IARS1: variants seen among roughly 807,000 people sequenced by gnomAD.
IARS1 encodes the protein isoleucyl-tRNA synthetase 1.
In IARS1, 124 loss-of-function variants were observed where a neutral mutation model predicts 168.2. The ratio of observed to expected loss-of-function variants is 0.74; its 90% CI spans 0.64 to 0.86. The LOEUF (loss-of-function observed/expected upper bound fraction) is 0.86. Among genes scored for constraint, IARS1 ranks in the 40% least tolerant of loss-of-function variants. The pLI is 0.00. For synonymous variants in IARS1, 532 were observed against 529.4 expected, an observed-to-expected ratio of 1.00 and a Z score of -0.07; for missense variants, 1,452 against 1,515.8, an observed-to-expected ratio of 0.96 and a Z score of 0.70.
At chr9:92,270,010 C>T in intron 12 of IARS1, 27 bp from the exon 13 acceptor site, 6 of 1,454,482 alleles carry the variant, frequency 4.1e-6, no homozygotes, top group Middle Eastern at 1.7e-4. Flanking sequence ...ACACACATAG[C>T]TGCTCAGGCT....
intron 20 of IARS1, among the ~76,000 whole-genome samples, chr9:92,255,881 C>T (rs1830644251): frequency 2.0e-5 from 3 of 152,010 alleles, no homozygotes; most frequent in Non-Finnish European, 2.9e-5. Flanking sequence ...AGGGTATAAC[C>T]GAGATGTTTG....
chr9:92,287,976 A>G (rs1564190257), intron 3 of IARS1, 66 bp from the exon 4 acceptor site: 4 of 1,587,878 alleles, frequency 2.5e-6, no homozygotes, highest in Non-Finnish European at 2.6e-6. Flanking sequence ...ATGCAACTCT[A>G]GAAAACAAAA....
intron 6 of IARS1, among the ~76,000 whole-genome samples, chr9:92,282,418 C>T (rs188704076): frequency 1.9e-4 from 29 of 151,992 alleles, no homozygotes; most frequent in African/African-American, 6.3e-4. Flanking sequence ...TCTCCTGCCT[C>T]GGTTTCCTGA....
intron 17 of IARS1, among the ~76,000 whole-genome samples, chr9:92,261,290 T>C (rs547996126): frequency 1.3e-5 from 2 of 151,762 alleles, no homozygotes; most frequent in East Asian, 1.9e-4. Context: ...GCCTGGGTGA[T>C]AGAGTGAGAC....
chr9:92,263,872 A>G (rs1831894202), intron 16 of IARS1, among the ~76,000 whole-genome samples: 1 of 152,224 alleles, frequency 6.6e-6, no homozygotes, highest in Non-Finnish European at 1.5e-5. Context: ...TAAAAACAGA[A>G]TTTGTGCTGG....
At chr9:92,271,953 A>C (rs566992798) in intron 10 of IARS1, among the ~76,000 whole-genome samples, 1 of 152,250 alleles carries the variant, frequency 6.6e-6, no homozygotes, top group African/African-American at 2.4e-5. Context: ...GAAAGGAATT[A>C]AGAAAGTAAA....
intron 14 of IARS1, among the ~76,000 whole-genome samples, chr9:92,267,506 A>G (rs1832448901): frequency 6.6e-6 from 1 of 152,196 alleles, no homozygotes; most frequent in Non-Finnish European, 1.5e-5. Context: ...AGTGGCGTGC[A>G]CCACCATGCC....
chr9:92,261,453 G>T lies in IARS1; in HGVS notation c.1788-1219C>A, dbSNP rs75490549. On this transcript the variant is annotated intron_variant, in intron 17 of 33. Transcript: ENST00000443024. ...TGGGGATGACAGTGGGAAGGCAGGA[G>T]GGGAAGGCAATGCAGGAAGGGAGCC... Among the ~76,000 whole-genome samples the T allele has an allele frequency of 8.5e-4, 129 of 152,298 alleles. 2 individuals are homozygous for T. The East Asian group carries it at 0.023, about 28-fold the overall frequency.
chr9:92,232,590 G>A (rs1826891413), intron 30 of IARS1, among the ~76,000 whole-genome samples: 1 of 152,166 alleles, frequency 6.6e-6, no homozygotes, highest in Non-Finnish European at 1.5e-5. Context: ...AGTTGTAGTA[G>A]GTTTGTGGAA....
Position 92,289,440 on chromosome 9 carries a change from C to A in IARS1, c.-7-14G>T, listed in dbSNP as rs1587908750. 1.9e-6 allele frequency: 2 copies of A among 1,063,518 alleles called. No homozygotes were observed. The highest frequency in any genetic ancestry group is 2.5e-5 in the South Asian group (2 of 78,802). The allele number at this position is 1,063,518 out of a possible 1,614,324, so 65.9% of individuals were successfully genotyped here. ...AGCATTTTGTTGCTGCAAAAGAAATCAAATTTATTACTGTCAAAAGAGAAA... is the reference window on the plus strand; with the variant it reads ...AGCATTTTGTTGCTGCAAAAGAAATAAAATTTATTACTGTCAAAAGAGAAA... On this transcript the variant is annotated splice_polypyrimidine_tract_variant and intron_variant, in intron 1 of 33. Transcript: ENST00000443024.
chr9:92,288,758 A>G (rs548084022), intron 2 of IARS1, among the ~76,000 whole-genome samples: 1 of 152,270 alleles, frequency 6.6e-6, no homozygotes, highest in South Asian at 2.1e-4. Context: ...AAAGAGGGTG[A>G]CACGGAGGAT....
Position 92,223,341 on chromosome 9 carries a change from C to A in IARS1, c.3553+5G>T. On this transcript the variant is annotated splice_donor_5th_base_variant and intron_variant, in intron 32 of 33. Transcript: ENST00000443024. ...ACAGTCTGCCTGCTGTGGGGAGGCA[C>A]ATACCTTGTGGCTTTGCATTCAGGA... is the stretch of plus-strand genomic sequence containing the variant. 6.2e-7 allele frequency: 1 copy of A among 1,608,424 alleles called. No homozygotes were observed.
At chr9:92,260,032 C>T (rs1478169659) in intron 18 of IARS1, 119 bp downstream of exon 18, 5 of 687,228 alleles carry the variant, frequency 7.3e-6, no homozygotes, top group Non-Finnish European at 1.3e-5. Flanking sequence ...ATCCAAATAA[C>T]AGAGATATGT....
intron 17 of IARS1, among the ~76,000 whole-genome samples, chr9:92,262,210 T>C (rs1831627565): frequency 6.6e-6 from 1 of 152,086 alleles, no homozygotes; most frequent in South Asian, 2.1e-4. Context: ...ACAAAGGGAT[T>C]ATAGGACCCA....
intron 12 of IARS1, 132 bp downstream of exon 12, chr9:92,270,853 G>A (rs941816745): frequency 1.1e-5 from 6 of 535,974 alleles, no homozygotes; most frequent in African/African-American, 7.7e-5. Context: ...GAAGTAAGAA[G>A]GTGGCTTCCC....
rs568702205 is a variant in IARS1, at chr9:92,289,435, G to T, written c.-7-9C>A. ...GTTGAAGCATTTTGTTGCTGCAAAAGAAATCAAATTTATTACTGTCAAAAG... is the reference window on the plus strand; with the variant it reads ...GTTGAAGCATTTTGTTGCTGCAAAATAAATCAAATTTATTACTGTCAAAAG... On this transcript the variant is annotated splice_polypyrimidine_tract_variant and intron_variant, in intron 1 of 33. Transcript: ENST00000443024. 8.7e-7 allele frequency: 1 copy of T among 1,146,566 alleles called. No homozygotes were observed. Among genetic ancestry groups the T allele is most frequent in the Non-Finnish European group, 1.3e-6 (1 of 757,716 alleles). The allele number at this position is 1,146,566 out of a possible 1,614,324, so 71.0% of individuals were successfully genotyped here.
At chr9:92,289,206 CAAAAAAAA>C in intron 2 of IARS1, 87 bp downstream of exon 2, 2 of 324,274 alleles carry the variant, frequency 6.2e-6, no homozygotes, top group Admixed American at 6.3e-5. Flanking sequence ...GACTCCATCT[CAAAAAAAA>C]AAAAAAAAAA....
intron 30 of IARS1, among the ~76,000 whole-genome samples, chr9:92,240,116 T>C (rs928782105): frequency 4.6e-5 from 7 of 152,180 alleles, no homozygotes; most frequent in Non-Finnish European, 8.8e-5. Context: ...CTTTCTTCCT[T>C]ACATCTTTGA....
At chr9:92,270,956 G>A in intron 12 of IARS1, 29 bp downstream of exon 12, 1 of 1,491,222 alleles carries the variant, frequency 6.7e-7, no homozygotes, top group South Asian at 1.2e-5. Flanking sequence ...GGAAGCTCTA[G>A]CTACAACACA....
Sources: gnomAD v4.1 joint callset for allele counts (sites outside exome capture counted in the v4.1 genomes callset) on GRCh38, gnomAD v4.1.1 for gene constraint, MANE v1.5 for transcripts, NCBI Gene and HGNC (gene_info 2026-07-23, HGNC 2026-07-21) for gene names.